GPHN: variants seen among roughly 807,000 people sequenced by gnomAD.
GPHN encodes the protein gephyrin.
GPHN carries 17 observed loss-of-function variants against 95.5 expected under a neutral mutation model. The ratio of observed to expected loss-of-function variants is 0.18; its 90% CI spans 0.12 to 0.27. The LOEUF (loss-of-function observed/expected upper bound fraction) is 0.27, where lower values mean the gene tolerates loss of function less well. Among genes scored for constraint, GPHN ranks in the 10% least tolerant of loss-of-function variants. The pLI, the probability that GPHN is intolerant of heterozygous loss-of-function variation, is 1.00. For missense variants in GPHN, 660 were observed against 978.1 expected (o/e 0.67, Z 4.34); for synonymous variants, 320 against 322.5 (o/e 0.99, Z 0.08).
chr14:67,497,651 T>C, the GPHN span, among the ~76,000 whole-genome samples: 3 of 152,212 alleles, frequency 2.0e-5, no homozygotes, highest in Non-Finnish European at 4.4e-5. Flanking sequence ...TTTTGCACGA[T>C]TTTAACACAT....
At chr14:67,243,318 G>A in the GPHN span, among the ~76,000 whole-genome samples, 1 of 150,716 alleles carries the variant, frequency 6.6e-6, no homozygotes, top group Non-Finnish European at 1.5e-5. Flanking sequence ...CTCCCGACTA[G>A]CTGGGACTAC....
At position 66,759,478 on chromosome 14, in the gene GPHN, A is replaced by G. The variant is rs118180855; in HGVS notation, c.144-16986A>G. Among the ~76,000 whole-genome samples the G allele has an allele frequency of 9.8e-4, 150 of 152,372 alleles. 1 individual carries two copies. Among genetic ancestry groups the G allele is most frequent in the South Asian group, 7.2e-3 (35 of 4,828 alleles). ...GATTCTTATTGCACTGATGCAAATA[A>G]CAATATTACCATAAGTTAAACATAC... On this transcript the variant is annotated intron_variant, in intron 2 of 22. Coordinates refer to ENST00000478722, the MANE Select transcript of GPHN (RefSeq NM_020806.5).
At chr14:67,585,988 C>T in the GPHN span, 20 of 1,613,846 alleles carry the variant, frequency 1.2e-5, no homozygotes, top group Middle Eastern at 1.7e-4. Context: ...TCAGTGACAA[C>T]GTTTGGTGGC....
chr14:66,695,016 A>G (rs1245001673), intron 2 of GPHN, among the ~76,000 whole-genome samples: 4 of 151,922 alleles, frequency 2.6e-5, no homozygotes, highest in Non-Finnish European at 4.4e-5. Context: ...AAAATTAGCC[A>G]TGCGCGGTGG....
chr14:66,922,924 G>A lies in GPHN; in HGVS notation c.715G>A (p.Ala239Thr), dbSNP rs751089463. The A allele has an allele frequency of 4.8e-5, 78 of 1,611,956 alleles. No homozygotes were observed. Among genetic ancestry groups the A allele is most frequent in the Non-Finnish European group, 6.4e-5 (75 of 1,179,492 alleles). ...TTCCTCATCACATATAACTGCAGCA[G>A]CCATTGCTGCCAAGGTAAGCCTGAT... ...DSSSSHITAA[A>T]IAAKKHPFYT... The change falls in exon 7 of 23, where the codon GCC (alanine) becomes ACC (threonine). Residue 239 changes from alanine (A) to threonine (T), a missense_variant. Coordinates refer to ENST00000478722, the MANE Select transcript of GPHN (RefSeq NM_020806.5).
the GPHN span, among the ~76,000 whole-genome samples, chr14:67,351,280 T>C: frequency 6.6e-6 from 1 of 152,168 alleles, no homozygotes; most frequent in Non-Finnish European, 1.5e-5. Context: ...CTCTACTGTC[T>C]ATACAGTACA....
At chr14:67,134,068 G>T (rs530347603) in intron 17 of GPHN, among the ~76,000 whole-genome samples, 1 of 152,326 alleles carries the variant, frequency 6.6e-6, no homozygotes, top group Admixed American at 6.5e-5. Context: ...AATAGTCATT[G>T]TGTTTATGTA....
At chr14:66,769,331 CTTTTA>C (rs1293450805) in intron 2 of GPHN, among the ~76,000 whole-genome samples, 2 of 151,740 alleles carry the variant, frequency 1.3e-5, no homozygotes, top group African/African-American at 2.4e-5. Context: ...CCTTTTTTAA[CTTTTA>C]TTTTATGTTC....
intron 2 of GPHN, among the ~76,000 whole-genome samples, chr14:66,767,822 T>A (rs2059019911): frequency 6.6e-6 from 1 of 151,956 alleles, no homozygotes; most frequent in East Asian, 1.9e-4. Flanking sequence ...AATGTTTGTA[T>A]GTAGTAAGTG....
intron 1 of GPHN, among the ~76,000 whole-genome samples, chr14:66,642,913 T>C (rs1475006507): frequency 6.7e-6 from 1 of 149,670 alleles, no homozygotes; most frequent in Non-Finnish European, 1.5e-5. Context: ...GCAGAATATC[T>C]TCGTGATCTT....
intron 10 of GPHN, among the ~76,000 whole-genome samples, chr14:67,047,364 T>TG (rs1567253693): frequency 1.4e-3 from 66 of 47,850 alleles, no homozygotes; most frequent in Non-Finnish European, 2.0e-3. Context: ...GTGTGTGTGT[T>TG]TGTTTTTTTT....
the GPHN span, chr14:67,645,845 G>T: frequency 6.2e-7 from 1 of 1,604,732 alleles, no homozygotes; most frequent in African/African-American, 1.3e-5. Context: ...GGCTTGCAGG[G>T]TTTTGCTGGA....
rs575778054 is a variant in GPHN at position 66,776,001 on chromosome 14, A to G, written c.144-463A>G. Reference sequence around the variant, plus strand: ...TGTCACACTAATGCAAGATGTTAATAACAAGGGAAACAAGGTCATGGGGAA... The same window carrying G: ...TGTCACACTAATGCAAGATGTTAATGACAAGGGAAACAAGGTCATGGGGAA... On this transcript the variant is annotated intron_variant, in intron 2 of 22. Coordinates refer to ENST00000478722, the MANE Select transcript of GPHN (RefSeq NM_020806.5). Among the ~76,000 whole-genome samples, 4 of 152,312 alleles carry G rather than the reference A, an allele frequency of 2.6e-5. No homozygotes were observed. In the East Asian group the frequency reaches 7.7e-4, roughly 29 times the overall value.
chr14:66,543,446 T>C (rs1475181210), intron 1 of GPHN, among the ~76,000 whole-genome samples: 1 of 152,240 alleles, frequency 6.6e-6, no homozygotes, highest in East Asian at 1.9e-4. Flanking sequence ...GCACTCACTT[T>C]CTTGATGATC....
chr14:66,984,345 A>G (rs540866363), intron 9 of GPHN, among the ~76,000 whole-genome samples: 39 of 152,300 alleles, frequency 2.6e-4, no homozygotes, highest in Non-Finnish European at 4.1e-4. Flanking sequence ...ATAGGTGCTG[A>G]TGTTCTAGTT....
chr14:66,754,301 G>T (rs1045640274), intron 2 of GPHN, among the ~76,000 whole-genome samples: 1 of 151,972 alleles, frequency 6.6e-6, no homozygotes, highest in African/African-American at 2.4e-5. Flanking sequence ...CAAAGTGACT[G>T]TGCCATTTTA....
intron 11 of GPHN, among the ~76,000 whole-genome samples, chr14:67,061,274 C>T (rs2075814138): frequency 6.6e-6 from 1 of 152,122 alleles, no homozygotes; most frequent in Non-Finnish European, 1.5e-5. Flanking sequence ...CTCCCAGTCT[C>T]AGGTGATCCA....
chr14:66,853,574 A>G (rs950150876), intron 4 of GPHN, among the ~76,000 whole-genome samples: 2 of 152,196 alleles, frequency 1.3e-5, no homozygotes, highest in South Asian at 4.1e-4. Flanking sequence ...GGGAACTCCC[A>G]TTTATAAAAC....
chr14:66,697,893 C>A (rs1459992016), intron 2 of GPHN, among the ~76,000 whole-genome samples: 1 of 151,870 alleles, frequency 6.6e-6, no homozygotes, highest in African/African-American at 2.4e-5. Context: ...GAGGATCTCT[C>A]CATGTTGCCC....
Sources: allele counts gnomAD v4.1 joint callset (sites outside exome capture counted in the v4.1 genomes callset), GRCh38; gene constraint gnomAD v4.1.1; transcripts MANE v1.5; gene names NCBI Gene and HGNC (gene_info 2026-07-23, HGNC 2026-07-21).